The following DPP6 variants were observed in gnomAD, a reference collection of about 807,000 sequenced individuals.
DPP6 encodes A-type potassium channel modulatory protein DPP6.
In DPP6, 69 loss-of-function variants were observed where a neutral mutation model predicts 122.6. The ratio of observed to expected loss-of-function variants is 0.56; its 90% CI spans 0.46 to 0.69. The LOEUF (loss-of-function observed/expected upper bound fraction) is 0.69. Ranked by LOEUF, DPP6 falls within the 30% of genes least tolerant of loss-of-function variation. The pLI, the probability that DPP6 is intolerant of heterozygous loss-of-function variation, is 0.00. For synonymous variants in DPP6, 418 were observed against 433.1 expected (o/e 0.97, Z 0.43); for missense variants, 928 against 1,116.9 (o/e 0.83, Z 2.41).
chr7:154,459,894 C>T (rs117779514), intron 2 of DPP6, among the ~76,000 whole-genome samples: 2,768 of 149,424 alleles, frequency 0.019, 29 homozygotes, highest in South Asian at 0.029. Context: ...TTTTCTCATA[C>T]TGTCAGTTCT....
At chr7:153,847,018 A>C in the DPP6 span, among the ~76,000 whole-genome samples, 1 of 151,426 alleles carries the variant, frequency 6.6e-6, no homozygotes, top group Non-Finnish European at 1.5e-5. Context: ...TTTCCTCTCT[A>C]TTTTTCAGAT....
rs150348557 is a variant in DPP6, at chr7:154,366,495, G to A, written c.244-79719G>A. Among the ~76,000 whole-genome samples, 586 of 152,296 alleles carry A rather than the reference G, an allele frequency of 3.8e-3. 2 individuals carry two copies. The highest frequency in any genetic ancestry group is 0.012 in the African/African-American group (505 of 41,552). ...TTCTCAGCTTCCGCTGCACGGGAAC[G>A]TTCATGGAAAGAAATTTAAAAAATG... On this transcript the variant is annotated intron_variant, in intron 1 of 25. Coordinates refer to ENST00000377770, the MANE Select transcript of DPP6 (RefSeq NM_130797.4).
chr7:153,937,437 C>CTTTTTT (rs201001951), intron 1 of DPP6, among the ~76,000 whole-genome samples: 2 of 115,510 alleles, frequency 1.7e-5, no homozygotes, highest in Non-Finnish European at 3.5e-5. Context: ...TCAGAGCTAA[C>CTTTTTT]TTTTTTTTTT....
At chr7:154,525,893 A>G (rs1481418795) in intron 3 of DPP6, among the ~76,000 whole-genome samples, 1 of 151,872 alleles carries the variant, frequency 6.6e-6, no homozygotes, top group African/African-American at 2.4e-5. Flanking sequence ...ACATTTCCTC[A>G]CCGTCTCTAT....
At chr7:154,856,349 C>A (rs1436589115) in intron 17 of DPP6, among the ~76,000 whole-genome samples, 1 of 152,174 alleles carries the variant, frequency 6.6e-6, no homozygotes, top group East Asian at 1.9e-4. Flanking sequence ...CTTGGGGCTC[C>A]TAAAGCCTCC....
rs79632900 is a variant in DPP6, at chr7:154,806,647, G to A, written c.1548-347G>A. On this transcript the variant is annotated intron_variant, in intron 15 of 25. Coordinates refer to ENST00000377770, the MANE Select transcript of DPP6 (RefSeq NM_130797.4). ...CCATCCACTCAGAGGGACAGGACACGTGCAGATAGAGTGCTAGATCATATA... is the reference window on the plus strand; with the variant it reads ...CCATCCACTCAGAGGGACAGGACACATGCAGATAGAGTGCTAGATCATATA... Among the ~76,000 whole-genome samples the A allele has an allele frequency of 7.8e-3, 1,195 of 152,320 alleles. 17 individuals are homozygous for A. Among genetic ancestry groups the A allele is most frequent in the African/African-American group, 0.027 (1,120 of 41,556 alleles).
intron 1 of DPP6, among the ~76,000 whole-genome samples, chr7:154,275,478 AAGG>A (rs1239384999): frequency 6.6e-6 from 1 of 152,222 alleles, no homozygotes; most frequent in Non-Finnish European, 1.5e-5. Flanking sequence ...CCTCTCCTTT[AAGG>A]ATATCTCTTT....
chr7:154,663,742 G>A (rs376604636), intron 6 of DPP6, among the ~76,000 whole-genome samples: 5 of 85,002 alleles, frequency 5.9e-5, no homozygotes, highest in Admixed American at 1.5e-4. Context: ...ATGGCGTATC[G>A]GCCGTAGTGT....
At chr7:154,686,125 C>T (rs1017980500) in intron 7 of DPP6, among the ~76,000 whole-genome samples, 11 of 152,032 alleles carry the variant, frequency 7.2e-5, no homozygotes, top group Non-Finnish European at 1.3e-4. Context: ...CTCTTTTGCT[C>T]ACAATATCTC....
intron 3 of DPP6, among the ~76,000 whole-genome samples, chr7:154,489,972 T>C (rs552675559): frequency 6.6e-6 from 1 of 152,326 alleles, no homozygotes; most frequent in South Asian, 2.1e-4. Flanking sequence ...ATCACATTCT[T>C]ACACAGGACA....
chr7:154,257,231 T>C (rs1479151565), intron 1 of DPP6, among the ~76,000 whole-genome samples: 2 of 152,024 alleles, frequency 1.3e-5, no homozygotes, highest in Non-Finnish European at 2.9e-5. Flanking sequence ...AAAAGGGATC[T>C]TCCTGCTTGG....
chr7:154,721,470 G>A (rs941239151), intron 7 of DPP6, among the ~76,000 whole-genome samples: 2 of 152,112 alleles, frequency 1.3e-5, no homozygotes, highest in African/African-American at 2.4e-5. Context: ...AAGCACTTTC[G>A]AAGTGTCTGC....
At chr7:154,664,214 C>A (rs1837991871) in intron 6 of DPP6, among the ~76,000 whole-genome samples, 1 of 152,088 alleles carries the variant, frequency 6.6e-6, no homozygotes, top group Non-Finnish European at 1.5e-5. Flanking sequence ...TTGTGAATCA[C>A]CATGGCTTGT....
At chr7:153,762,073 C>A in the DPP6 span, among the ~76,000 whole-genome samples, 1 of 152,126 alleles carries the variant, frequency 6.6e-6, no homozygotes. Flanking sequence ...GACTAAAGTC[C>A]GTGTAAAAAA....
At chr7:153,920,563 C>CTTTTTTTTTTTTTTTTTTTT (rs61553100) in intron 1 of DPP6, among the ~76,000 whole-genome samples, 4 of 88,690 alleles carry the variant, frequency 4.5e-5, no homozygotes, top group Admixed American at 1.6e-4. Flanking sequence ...TTATCTCTCT[C>CTTTTTTTTTTTTTTTTTTTT]TTTTTTTTTT....
intron 10 of DPP6, among the ~76,000 whole-genome samples, chr7:154,789,883 T>G (rs1383467453): frequency 1.3e-5 from 2 of 152,204 alleles, no homozygotes; most frequent in Non-Finnish European, 2.9e-5. Context: ...GTACACCGAC[T>G]TGATTTTTAG....
chr7:154,449,897 A>G (rs1185366118), intron 2 of DPP6, among the ~76,000 whole-genome samples: 2 of 151,998 alleles, frequency 1.3e-5, no homozygotes, highest in East Asian at 3.9e-4. Flanking sequence ...AGTCCCAGCT[A>G]CTTGGGAGGC....
chr7:153,908,012 A>G (rs1022628274), intron 1 of DPP6, among the ~76,000 whole-genome samples: 1 of 151,108 alleles, frequency 6.6e-6, no homozygotes, highest in Admixed American at 6.6e-5. Flanking sequence ...CCCTGGATTG[A>G]AATTTAGAGG....
At chr7:153,781,937 T>G in the DPP6 span, among the ~76,000 whole-genome samples, 1 of 145,848 alleles carries the variant, frequency 6.9e-6, no homozygotes, top group Non-Finnish European at 1.5e-5. Context: ...TAAACTTCTA[T>G]CATAATCTGA....
Sources: allele counts gnomAD v4.1 joint callset (sites outside exome capture counted in the v4.1 genomes callset), GRCh38; gene constraint gnomAD v4.1.1; transcripts MANE v1.5; gene names NCBI Gene and HGNC (gene_info 2026-07-23, HGNC 2026-07-21).